BEST4: variants seen among roughly 807,000 people sequenced by gnomAD.
The protein encoded by BEST4 is bestrophin 4.
BEST4 carries 36 observed loss-of-function variants against 47.1 expected under a neutral mutation model. The ratio of observed to expected loss-of-function variants is 0.76; its 90% CI spans 0.59 to 1.01. The LOEUF (loss-of-function observed/expected upper bound fraction) is 1.01, where lower values mean the gene tolerates loss of function less well. BEST4 is among the 50% of genes least tolerant of loss of function. BEST4 has a pLI of 0.00. For missense variants in BEST4, 550 were observed against 648.6 expected (o/e 0.85, Z 1.65); for synonymous variants, 250 against 277.8 (o/e 0.90, Z 1.00).
Position 44,785,218 on chromosome 1 carries a change from G to A in BEST4, c.802C>T (p.Gln268Ter). ...VEPEAGAAKP[Q>*]KLLKPGQEPA... ...TCCTGGCCTGGCTTCAGAAGCTTCT[G>A]AGGTTTGGCAGCCCCTGCCTCTGGC... is the stretch of plus-strand genomic sequence containing the variant. The change falls in exon 6 of 9, where the codon CAG becomes TAG. Residue 268 changes from glutamine (Q) to a stop codon, truncating the protein, a stop_gained. Transcript: ENST00000372207. LOFTEE classifies it high-confidence loss of function. 6.2e-7 allele frequency: 1 copy of A among 1,613,650 alleles called. No homozygotes were observed. Among genetic ancestry groups the A allele is most frequent in the Non-Finnish European group, 8.5e-7 (1 of 1,179,900 alleles).
At chr1:44,790,618 A>G (rs1482171907), upstream of BEST4, among the ~76,000 whole-genome samples, 1 of 152,170 alleles carries the variant, frequency 6.6e-6, no homozygotes, top group Admixed American at 6.5e-5. Flanking sequence ...AATCTGATTC[A>G]TCTAGGTAAA....
Position 44,784,260 on chromosome 1 carries a change from G to A in BEST4, c.1372C>T (p.Arg458Cys). 2 of 1,452,662 alleles carry A rather than the reference G, an allele frequency of 1.4e-6. No homozygotes were observed. The highest frequency in any genetic ancestry group is 1.8e-6 in the Non-Finnish European group (2 of 1,111,650). The allele number at this position is 1,452,662 out of a possible 1,614,324, so 90.0% of individuals were successfully genotyped here. A position where few individuals can be genotyped will look rare whatever the true frequency, so the allele number is the denominator to read the frequency against. Reference sequence around the variant, plus strand: ...GACTCCGCCGATTCCTCCTCGATGCGGGCTGCGGCCTCGGGGTCGCCGCCC... The same window carrying A: ...GACTCCGCCGATTCCTCCTCGATGCAGGCTGCGGCCTCGGGGTCGCCGCCC... ...EEGGDPEAAA[R>C]IEEESAESGD... Residue 458 changes from arginine (R) to cysteine (C), a missense_variant, in exon 9 of 9, where the codon CGC becomes TGC. By Grantham distance (180) the Arg-to-Cys change is radical. Coordinates refer to ENST00000372207, the MANE Select transcript of BEST4 (RefSeq NM_153274.3). This position sits in a 1 kb window ranked among gnomAD's most constrained non-coding sequence, Gnocchi z 6.2.
In BEST4 at chr1:44,785,263, C is replaced by T; in HGVS notation, c.757G>A (p.Val253Ile). ...AVYSFFALSLVGRQFVEPEAG... is the reference protein window; with the variant it reads ...AVYSFFALSLIGRQFVEPEAG... ...TCTGGCTCCACAAACTGGCGGCCAA[C>T]CAGGGAGAGGGCAAAGAAAGAGTAG... The change falls in exon 6 of 9, where the codon GTT becomes ATT. Residue 253 changes from valine (V) to isoleucine (I), a missense_variant. Transcript: ENST00000372207. 1 of 1,611,992 alleles carries T rather than the reference C, an allele frequency of 6.2e-7. No homozygotes were observed. The highest frequency in any genetic ancestry group is 2.2e-5 in the East Asian group (1 of 44,854).
At position 44,786,727 on chromosome 1, in the gene BEST4, A is replaced by G. The variant is rs1202458269; in HGVS notation, c.248-31T>C. On this transcript the variant is annotated intron_variant, in intron 2 of 8. Coordinates refer to ENST00000372207, the MANE Select transcript of BEST4 (RefSeq NM_153274.3). The surrounding 1 kb of genome is among the most constrained non-coding windows in gnomAD (Gnocchi z 4.9). ...TGGCCGCCGTGATAGAGGGAGTAGGAAGGGAGAGTGGAGAGCCTGGGGGTC... is the reference window on the plus strand; with the variant it reads ...TGGCCGCCGTGATAGAGGGAGTAGGGAGGGAGAGTGGAGAGCCTGGGGGTC... 6.6e-7 allele frequency: 1 copy of G among 1,518,052 alleles called. No individual in the cohort carries two copies. Among genetic ancestry groups the G allele is most frequent in the Non-Finnish European group, 8.9e-7 (1 of 1,120,452 alleles). The allele number at this position is 1,518,052 out of a possible 1,614,324, so 94.0% of individuals were successfully genotyped here.
downstream of BEST4, among the ~76,000 whole-genome samples, chr1:44,782,251 C>A (rs1220958717): frequency 2.0e-5 from 3 of 149,900 alleles, no homozygotes; most frequent in Non-Finnish European, 4.4e-5. Context: ...AAAAAAAAAA[C>A]CTCAAATACC....
In BEST4 at chr1:44,784,676, C is replaced by A; in HGVS notation, c.1101G>T (p.Ala367=). The A allele has an allele frequency of 6.2e-7, 1 of 1,613,208 alleles. No individual in the cohort carries two copies. The highest frequency in any genetic ancestry group is 8.5e-7 in the Non-Finnish European group (1 of 1,179,722). ...QPQPPYTVAT[A]AESLRPSFLG... ...GGAATGAGGGCCGCAGAGACTCGGC[C>A]GCCGTGGCCACAGTGTAGGGTGGCT... Residue 367 remains alanine (A), a synonymous_variant, in exon 8 of 9, where the codon GCG becomes GCT. Transcript: ENST00000372207. This position sits in a 1 kb window ranked among gnomAD's most constrained non-coding sequence, Gnocchi z 6.2.
chr1:44,786,469 C>A lies in BEST4; in HGVS notation c.475G>T (p.Asp159Tyr). 1 of 1,520,962 alleles carries A rather than the reference C, an allele frequency of 6.6e-7. No individual in the cohort carries two copies. The highest frequency in any genetic ancestry group is 8.8e-7 in the Non-Finnish European group (1 of 1,131,960). The allele number at this position is 1,520,962 out of a possible 1,614,324, so 94.2% of individuals were successfully genotyped here. ...KRFPTMEHVV[D>Y]AGFMSQEERK... ...CTCCCGGCGGGCGGCGCACCTGCGT[C>A]CACCACGTGCTCCATGGTGGGGAAG... The change falls in exon 3 of 9, where the codon GAC becomes TAC. Residue 159 changes from aspartate (D) to tyrosine (Y), a missense_variant. Asp to Tyr is a radical substitution (Grantham distance 160). Around this residue, in one of 3 missense-constraint regions of BEST4, gnomAD observed 291 missense variants for 342.4 expected, o/e 0.85. Transcript: ENST00000372207. This position sits in a 1 kb window ranked among gnomAD's most constrained non-coding sequence, Gnocchi z 4.9.
chr1:44,792,012 G>A (rs904596002), upstream of BEST4, among the ~76,000 whole-genome samples: 2 of 152,172 alleles, frequency 1.3e-5, no homozygotes, highest in African/African-American at 4.8e-5. Flanking sequence ...GGAGGCCGAG[G>A]CAGGCGGATC....
chr1:44,788,625 C>T (rs377247456), upstream of BEST4, among the ~76,000 whole-genome samples: 6 of 152,198 alleles, frequency 3.9e-5, no homozygotes, highest in African/African-American at 4.8e-5. Context: ...ACTTGCCCGC[C>T]GTCGGCCATA....
chr1:44,789,259 GAAAA>G (rs1651345221), upstream of BEST4, among the ~76,000 whole-genome samples: 1 of 97,192 alleles, frequency 1.0e-5, no homozygotes, highest in African/African-American at 5.0e-5. Context: ...AAAAAAAAAA[GAAAA>G]GAAAGAAAGA....
chr1:44,782,276 C>T (rs963311142), downstream of BEST4, among the ~76,000 whole-genome samples: 4 of 151,628 alleles, frequency 2.6e-5, no homozygotes, highest in African/African-American at 9.7e-5. Flanking sequence ...GAATGAATGG[C>T]CATCATTGTG....
intron 4 of BEST4, 123 bp downstream of exon 4, chr1:44,785,951 A>G (rs1573598212): frequency 8.0e-7 from 1 of 1,247,836 alleles, no homozygotes; most frequent in East Asian, 2.4e-5. Flanking sequence ...TAACATGGGT[A>G]CAGGGCTTCC....
chr1:44,785,362 G>A (rs1402518081), intron 5 of BEST4, 57 bp from the exon 6 acceptor site: 3 of 1,489,344 alleles, frequency 2.0e-6, no homozygotes, highest in African/African-American at 1.4e-5. Context: ...GAGAAATGCT[G>A]CCCCTGCCTC....
rs1651198352 is a variant in BEST4 at position 44,785,818 on chromosome 1, A to G, written c.637-142T>C. 6.0e-6 allele frequency: 5 copies of G among 836,428 alleles called. No individual in the cohort carries two copies. The South Asian group carries it at 8.7e-5, about 15-fold the overall frequency. The allele number at this position is 836,428 out of a possible 1,614,324, so 51.8% of individuals were successfully genotyped here. A position where few individuals can be genotyped will look rare whatever the true frequency, so the allele number is the denominator to read the frequency against. On this transcript the variant is annotated intron_variant, in intron 4 of 8. Coordinates refer to ENST00000372207, the MANE Select transcript of BEST4 (RefSeq NM_153274.3). ...TATTAAGATGGGGTGCTTGAATCCC[A>G]GCTCTGCTAACTAGCTGTGTAACTT...
chr1:44,786,493 A>G lies in BEST4; in HGVS notation c.451T>C (p.Phe151Leu). The change falls in exon 3 of 9, where the codon TTC (phenylalanine) becomes CTC (leucine). Residue 151 changes from phenylalanine (F) to leucine (L), a missense_variant. Phe to Leu is a conservative substitution (Grantham distance 22). Coordinates refer to ENST00000372207, the MANE Select transcript of BEST4 (RefSeq NM_153274.3). The surrounding 1 kb of genome is among the most constrained non-coding windows in gnomAD (Gnocchi z 4.9). ...TCCACCACGTGCTCCATGGTGGGGA[A>G]GCGCTTAAGCACGCGGGTGCTGACC... ...RSVSTRVLKR[F>L]PTMEHVVDAG... The G allele has an allele frequency of 6.5e-7, 1 of 1,539,278 alleles. No homozygotes were observed. Among genetic ancestry groups the G allele is most frequent in the Non-Finnish European group, 8.8e-7 (1 of 1,141,774 alleles).
chr1:44,786,735 G>C lies in BEST4; in HGVS notation c.248-39C>G. ...GTGATAGAGGGAGTAGGAAGGGAGA[G>C]TGGAGAGCCTGGGGGTCGGAGCGCC... On this transcript the variant is annotated intron_variant, in intron 2 of 8. Transcript: ENST00000372207. The surrounding 1 kb of genome is among the most constrained non-coding windows in gnomAD (Gnocchi z 4.9). The C allele has an allele frequency of 6.7e-7, 1 of 1,492,086 alleles. No homozygotes were observed. The highest frequency in any genetic ancestry group is 1.4e-5 in the African/African-American group (1 of 71,816). The allele number at this position is 1,492,086 out of a possible 1,614,324, so 92.4% of individuals were successfully genotyped here.
At chr1:44,785,396 A>C in intron 5 of BEST4, 91 bp from the exon 6 acceptor site, 1 of 1,381,032 alleles carries the variant, frequency 7.2e-7, no homozygotes, top group Non-Finnish European at 9.8e-7. Flanking sequence ...GAAGTCTGAC[A>C]AGTAATCAAA....
upstream of BEST4, among the ~76,000 whole-genome samples, chr1:44,789,980 C>T (rs1409888948): frequency 6.6e-6 from 1 of 152,212 alleles, no homozygotes; most frequent in East Asian, 1.9e-4. Flanking sequence ...CTCTTTGTAA[C>T]TGTGCAAGTT....
At chr1:44,783,345 CT>C (rs1316953521), downstream of BEST4, among the ~76,000 whole-genome samples, 2 of 151,234 alleles carry the variant, frequency 1.3e-5, no homozygotes, top group Admixed American at 6.6e-5. Context: ...GTAAACTGTA[CT>C]TTTTCCCCCT....
Sources: allele counts gnomAD v4.1 joint callset (sites outside exome capture counted in the v4.1 genomes callset), GRCh38; gene constraint gnomAD v4.1.1; regional missense constraint gnomAD v4.1.1; non-coding constraint Gnocchi (gnomAD v3.1); transcripts MANE v1.5; gene names NCBI Gene and HGNC (gene_info 2026-07-23, HGNC 2026-07-21).